The following SIDT2 variants were observed in gnomAD, a reference collection of about 807,000 sequenced individuals.
The protein encoded by SIDT2 is SID1 transmembrane family member 2, also known as SID1 transmembrane family, member 2.
SIDT2 carries 68 observed loss-of-function variants against 114.4 expected under a neutral mutation model. The ratio of observed to expected loss-of-function variants is 0.59; its 90% CI spans 0.49 to 0.73. The LOEUF is 0.73. SIDT2 is among the 30% of genes least tolerant of loss of function. The pLI, the probability that SIDT2 is intolerant of heterozygous loss-of-function variation, is 0.00. For missense variants in SIDT2, 918 were observed against 1,097.1 expected (o/e 0.84, Z 2.31); for synonymous variants, 470 against 438.4 (o/e 1.07, Z -0.90).
rs188351692 is a variant in SIDT2, at chr11:117,188,415, C to T, written c.1160-293C>T. 5.0e-6 allele frequency: 2 copies of T among 400,140 alleles called. No homozygotes were observed. Among genetic ancestry groups the T allele is most frequent in the Non-Finnish European group, 8.6e-6 (2 of 233,576 alleles). The allele number at this position is 400,140 out of a possible 1,614,324, so 24.8% of individuals were successfully genotyped here. A position where few individuals can be genotyped will look rare whatever the true frequency, so the allele number is the denominator to read the frequency against. The stretch of plus-strand genomic sequence containing the variant: ...TTTGTGTCTGCTGCCTGGGGTCTGC[C>T]TTGTGTCCTGGCCTGGGAAGCCCTA... On this transcript the variant is annotated intron_variant, in intron 12 of 25. Coordinates refer to ENST00000324225, the MANE Select transcript of SIDT2 (RefSeq NM_001040455.2). This position sits in a 1 kb window ranked among gnomAD's most constrained non-coding sequence, Gnocchi z 4.0.
At chr11:117,185,992 G>C in intron 8 of SIDT2, 138 bp from the exon 9 acceptor site, 1 of 659,446 alleles carries the variant, frequency 1.5e-6, no homozygotes, top group Middle Eastern at 3.5e-4. Flanking sequence ...GTTCATACTG[G>C]CTAGGCAGGG....
rs1401361715 is a variant in SIDT2, at chr11:117,190,449, C to T, written c.1617+160C>T. ...CCTATCCAGCCCAGCCTGCCCCACCCTGCCCTGCCCTCCCTTGCCAGCCTG... is the reference window on the plus strand; with the variant it reads ...CCTATCCAGCCCAGCCTGCCCCACCTTGCCCTGCCCTCCCTTGCCAGCCTG... On this transcript the variant is annotated intron_variant, in intron 17 of 25. Coordinates refer to ENST00000324225, the MANE Select transcript of SIDT2 (RefSeq NM_001040455.2). The surrounding 1 kb of genome is among the most constrained non-coding windows in gnomAD (Gnocchi z 4.1). Among the ~76,000 whole-genome samples, 1 of 151,778 alleles carries T rather than the reference C, an allele frequency of 6.6e-6. No individual in the cohort carries two copies. Among genetic ancestry groups the T allele is most frequent in the African/African-American group, 2.4e-5 (1 of 41,314 alleles).
At position 117,196,258 on chromosome 11, in the gene SIDT2, C is replaced by G; in HGVS notation, c.*192C>G. 2 of 713,296 alleles carry G rather than the reference C, an allele frequency of 2.8e-6. No homozygotes were observed. The highest frequency in any genetic ancestry group is 4.6e-6 in the Non-Finnish European group (2 of 438,308). 44.2% of individuals were successfully genotyped at this position (713,296 alleles called of 1,614,324 possible). On this transcript the variant is annotated 3_prime_UTR_variant, in exon 26 of 26. Coordinates refer to ENST00000324225, the MANE Select transcript of SIDT2 (RefSeq NM_001040455.2). This position sits in a 1 kb window ranked among gnomAD's most constrained non-coding sequence, Gnocchi z 4.9. ...TGGCATGGAACCTTGCAGCTGCCCT[C>G]TGCCGAGGAGCAGGCCTGCTCCCCT...
chr11:117,185,033 G>GCC (rs1484973980), intron 8 of SIDT2, among the ~76,000 whole-genome samples: 4 of 148,114 alleles, frequency 2.7e-5, no homozygotes, highest in African/African-American at 7.5e-5. Flanking sequence ...GCCAGAGGGT[G>GCC]CCTCTCTCTC....
Position 117,182,706 on chromosome 11 carries a change from C to T in SIDT2, c.619-17C>T. On this transcript the variant is annotated splice_polypyrimidine_tract_variant and intron_variant, in intron 5 of 25. Transcript: ENST00000324225. The stretch of plus-strand genomic sequence containing the variant: ...AGGCCAGGTTCCCATCCATCTGCCT[C>T]TCCCGCCCCTCTGCAGTGTCCTGTC... 6.2e-7 allele frequency: 1 copy of T among 1,614,080 alleles called. No homozygotes were observed. Among genetic ancestry groups the T allele is most frequent in the South Asian group, 1.1e-5 (1 of 91,082 alleles).
chr11:117,185,946 G>T, intron 8 of SIDT2, 184 bp from the exon 9 acceptor site: 1 of 533,462 alleles, frequency 1.9e-6, no homozygotes, highest in Non-Finnish European at 3.4e-6. Flanking sequence ...AAATAGGAGT[G>T]TGTCAGAGTT....
intron 4 of SIDT2, 50 bp downstream of exon 4, chr11:117,182,155 T>A (rs2030313947): frequency 6.2e-7 from 1 of 1,605,118 alleles, no homozygotes; most frequent in African/African-American, 1.3e-5. Flanking sequence ...GGAGCTTGAA[T>A]ATGAGAATGG....
intron 6 of SIDT2, among the ~76,000 whole-genome samples, chr11:117,183,016 C>A (rs1333342283): frequency 6.6e-6 from 1 of 152,128 alleles, no homozygotes; most frequent in Non-Finnish European, 1.5e-5. Flanking sequence ...AGTAGAGTAC[C>A]CCCTTCTGGC....
rs768336135 is a variant in SIDT2, at chr11:117,190,658, C to T, written c.1653C>T (p.Tyr551=). Residue 551 remains tyrosine, a synonymous_variant, in exon 18 of 26, where the codon TAC becomes TAT. Coordinates refer to ENST00000324225, the MANE Select transcript of SIDT2 (RefSeq NM_001040455.2). This position sits in a 1 kb window ranked among gnomAD's most constrained non-coding sequence, Gnocchi z 4.1. ...CGIPKHFGLF[Y]AMGTALMMEG... Reference sequence around the variant, plus strand: ...TCCCCAAACACTTTGGGCTTTTCTACGCCATGGGCACAGCCCTGATGATGG... The same window carrying T: ...TCCCCAAACACTTTGGGCTTTTCTATGCCATGGGCACAGCCCTGATGATGG... The T allele has an allele frequency of 4.3e-5, 69 of 1,606,236 alleles. No individual in the cohort carries two copies. The Admixed American group carries it at 1.0e-3, about 24-fold the overall frequency.
At position 117,192,223 on chromosome 11, in the gene SIDT2, C is replaced by T. The variant is rs1284349033; in HGVS notation, c.1873-31C>T. On this transcript the variant is annotated intron_variant, in intron 19 of 25. Transcript: ENST00000324225. The surrounding 1 kb of genome is among the most constrained non-coding windows in gnomAD (Gnocchi z 5.9). ...CATCCGAGCCACTTCCCTCTCCACC[C>T]TCACCGCTGCCCTTGGTGGCCTCCC... 2 of 1,497,592 alleles carry T rather than the reference C, an allele frequency of 1.3e-6. No homozygotes were observed. Among genetic ancestry groups the T allele is most frequent in the African/African-American group, 2.8e-5 (2 of 72,410 alleles). The allele number at this position is 1,497,592 out of a possible 1,614,324, so 92.8% of individuals were successfully genotyped here.
chr11:117,179,733 C>A, intron 1 of SIDT2: 1 of 325,508 alleles, frequency 3.1e-6, no homozygotes, highest in Non-Finnish European at 5.6e-6. Context: ...TTGCTCTCTA[C>A]CCTAAACCCC....
chr11:117,185,916 C>A, intron 8 of SIDT2: 1 of 460,502 alleles, frequency 2.2e-6, no homozygotes, highest in Admixed American at 3.7e-5. Flanking sequence ...AAGTTCTAGC[C>A]CAGGGAGCAA....
At chr11:117,191,010 G>A in intron 18 of SIDT2, 1 of 295,310 alleles carries the variant, frequency 3.4e-6, no homozygotes, top group East Asian at 7.1e-5. Flanking sequence ...GGGTGCAGTG[G>A]CTCACGCCTG....
Position 117,179,454 on chromosome 11 carries a change from C to T in SIDT2, c.183+8C>T. The T allele has an allele frequency of 6.2e-7, 1 of 1,610,248 alleles. No homozygotes were observed. Among genetic ancestry groups the T allele is most frequent in the Non-Finnish European group, 8.5e-7 (1 of 1,177,528 alleles). On this transcript the variant is annotated splice_region_variant and intron_variant, in intron 1 of 25. Transcript: ENST00000324225. ...ACTGTGACCCGCAACAGGGTGAGGG[C>T]TGGGGGCTTAGGGGCCAGAGGCGAG...
chr11:117,190,400 C>A lies in SIDT2; in HGVS notation c.1617+111C>A. The A allele has an allele frequency of 1.4e-6, 2 of 1,475,464 alleles. No individual in the cohort carries two copies. The highest frequency in any genetic ancestry group is 1.4e-5 in the African/African-American group (1 of 70,832). 91.4% of individuals were successfully genotyped at this position (1,475,464 alleles called of 1,614,324 possible). A position where few individuals can be genotyped will look rare whatever the true frequency, so the allele number is the denominator to read the frequency against. ...CTGGCCCTGCCTTCCCCAGCTCTCC[C>A]CTCCCCAGTTCTGTCTGGCCCACCC... On this transcript the variant is annotated intron_variant, in intron 17 of 25. Transcript: ENST00000324225. This position sits in a 1 kb window ranked among gnomAD's most constrained non-coding sequence, Gnocchi z 4.1.
At chr11:117,183,452 A>T (rs546035485) in intron 6 of SIDT2, among the ~76,000 whole-genome samples, 1 of 152,290 alleles carries the variant, frequency 6.6e-6, no homozygotes, top group East Asian at 1.9e-4. Context: ...AGCCTGGCCA[A>T]CATGGTGAAA....
intron 8 of SIDT2, chr11:117,185,804 T>C (rs763658420): frequency 3.0e-5 from 7 of 230,044 alleles, no homozygotes; most frequent in Non-Finnish European, 5.1e-5. Context: ...AGCCTAGGAG[T>C]TGGAGGCTGC....
rs201370296 is a variant in SIDT2 at position 117,192,145 on chromosome 11, GC to G, written c.1873-105del. ...CTCCTTCCCTGAGATGCCTTCCTGG[GC>G]CCCTCTCAGAGTCCCAGCCTGGCTG... On this transcript the variant is annotated intron_variant, in intron 19 of 25. Transcript: ENST00000324225. This position sits in a 1 kb window ranked among gnomAD's most constrained non-coding sequence, Gnocchi z 5.9. The G allele has an allele frequency of 0.03, 46,392 of 1,533,102 alleles. 832 individuals are homozygous for G. Among genetic ancestry groups the G allele is most frequent in the Non-Finnish European group, 0.033 (37,163 of 1,120,448 alleles). 95.0% of individuals were successfully genotyped at this position (1,533,102 alleles called of 1,614,324 possible). A position where few individuals can be genotyped will look rare whatever the true frequency, so the allele number is the denominator to read the frequency against.
At position 117,183,893 on chromosome 11, in the gene SIDT2, CT is replaced by C. The variant is rs1318781889; in HGVS notation, c.802+16del. 13 of 1,599,766 alleles carry C rather than the reference CT, an allele frequency of 8.1e-6. No homozygotes were observed. Among genetic ancestry groups the C allele is most frequent in the Non-Finnish European group, 1.1e-5 (13 of 1,167,074 alleles). ...CTTCGCAGAAGGTACATTTTGTGCC[CT>C]GGGCCTGGCTAGGGATGGGGAGGTC... On this transcript the variant is annotated intron_variant, in intron 7 of 25. Transcript: ENST00000324225.
Sources: gnomAD v4.1 joint callset for allele counts (sites outside exome capture counted in the v4.1 genomes callset) on GRCh38, gnomAD v4.1.1 for gene constraint, Gnocchi (gnomAD v3.1) non-coding constraint, MANE v1.5 for transcripts, NCBI Gene and HGNC (gene_info 2026-07-23, HGNC 2026-07-21) for gene names.